The following LDLRAD4 variants were observed in gnomAD, a reference collection of about 807,000 sequenced individuals.
LDLRAD4 encodes low-density lipoprotein receptor class A domain-containing protein 4.
In LDLRAD4, 5 loss-of-function variants were observed where a neutral mutation model predicts 17.0. The observed-to-expected ratio is 0.29, with a 90% CI of 0.15 to 0.62. The LOEUF is 0.62. LDLRAD4 is among the 20% of genes least tolerant of loss of function. The pLI, the probability that LDLRAD4 is intolerant of heterozygous loss-of-function variation, is 0.84. For missense variants in LDLRAD4, 340 were observed against 424.7 expected, an observed-to-expected ratio of 0.80 and a Z score of 1.75; for synonymous variants, 168 against 171.8, an observed-to-expected ratio of 0.98 and a Z score of 0.17.
In LDLRAD4 at chr18:13,643,909, C is replaced by G. The variant is rs116764670; in HGVS notation, c.390+497C>G. 8.2e-3 allele frequency among the ~76,000 whole-genome samples: 1,251 copies of G among 151,852 alleles called. 22 individuals carry two copies. Among genetic ancestry groups the G allele is most frequent in the African/African-American group, 0.029 (1,203 of 41,380 alleles). On this transcript the variant is annotated intron_variant, in intron 5 of 5. Coordinates refer to ENST00000359446, the Ensembl canonical transcript of LDLRAD4. ...ACACATACACATCTATGCATATATGCGTGTGTGTGTGTATGTACGTATATA... is the reference window on the plus strand; with the variant it reads ...ACACATACACATCTATGCATATATGGGTGTGTGTGTGTATGTACGTATATA...
At chr18:13,436,157 C>T (rs975722846) in intron 2 of LDLRAD4, among the ~76,000 whole-genome samples, 5 of 152,200 alleles carry the variant, frequency 3.3e-5, no homozygotes, top group Non-Finnish European at 7.3e-5. Context: ...TTGGAAGGAG[C>T]AGCAAATTAG....
chr18:13,631,394 G>C (rs2148892411), intron 4 of LDLRAD4, among the ~76,000 whole-genome samples: 1 of 152,200 alleles, frequency 6.6e-6, no homozygotes, highest in South Asian at 2.1e-4. Flanking sequence ...GGACCACATG[G>C]CTTCAGTGGT....
chr18:13,645,292 C>T lies in LDLRAD4; in HGVS notation c.556C>T (p.Pro186Ser), dbSNP rs758903290. ...TGAAGAGCCACCTCCTTACCAGGGG[C>T]CCTGCACCCTGCAGCTCCGGGACCC... is the stretch of plus-strand genomic sequence containing the variant. The change falls in exon 6 of 6, where the codon CCC becomes TCC. Residue 186 changes from proline to serine, a missense_variant. Physicochemically the swap from Pro to Ser is moderately conservative, Grantham distance 74. Transcript: ENST00000359446. This position sits in a 1 kb window ranked among gnomAD's most constrained non-coding sequence, Gnocchi z 5.7. The T allele has an allele frequency of 2.5e-6, 4 of 1,614,088 alleles. No individual in the cohort carries two copies. The highest frequency in any genetic ancestry group is 2.7e-5 in the African/African-American group (2 of 74,934).
At chr18:13,570,356 A>C (rs1239504508) in intron 3 of LDLRAD4, among the ~76,000 whole-genome samples, 2 of 152,204 alleles carry the variant, frequency 1.3e-5, no homozygotes, top group South Asian at 4.1e-4. Context: ...TTGCCTAGAC[A>C]ACCAGCAGGC....
chr18:13,438,034 G>T (rs947917668), intron 2 of LDLRAD4, among the ~76,000 whole-genome samples: 13 of 152,218 alleles, frequency 8.5e-5, no homozygotes, highest in African/African-American at 2.9e-4. Flanking sequence ...CCTGTGGAGT[G>T]CAGGAGGGCA....
At chr18:13,382,095 G>A (rs1568076559) in intron 1 of LDLRAD4, among the ~76,000 whole-genome samples, 1 of 152,206 alleles carries the variant, frequency 6.6e-6, no homozygotes, top group Non-Finnish European at 1.5e-5. Context: ...TTCCGCCAGC[G>A]AAACAGTCTG....
At chr18:13,389,627 G>A (rs1341875748) in intron 2 of LDLRAD4, among the ~76,000 whole-genome samples, 1 of 152,230 alleles carries the variant, frequency 6.6e-6, no homozygotes, top group Non-Finnish European at 1.5e-5. Context: ...CCATGGACCT[G>A]ACGGCAGGGT....
At chr18:13,373,319 G>T (rs2084660717) in intron 1 of LDLRAD4, among the ~76,000 whole-genome samples, 1 of 152,076 alleles carries the variant, frequency 6.6e-6, no homozygotes. Flanking sequence ...TTAAGTTTGT[G>T]TATGACATTA....
chr18:13,246,434 G>T (rs1181507945), intron 1 of LDLRAD4, among the ~76,000 whole-genome samples: 1 of 152,264 alleles, frequency 6.6e-6, no homozygotes, highest in Non-Finnish European at 1.5e-5. Context: ...ATCACTCACA[G>T]AAATCTGTGG....
chr18:13,379,197 C>G (rs2085152156), intron 1 of LDLRAD4, among the ~76,000 whole-genome samples: 1 of 152,204 alleles, frequency 6.6e-6, no homozygotes, highest in Admixed American at 6.5e-5. Context: ...GACTTTTGTC[C>G]TCTGGCCCCT....
At position 13,233,033 on chromosome 18, in the gene LDLRAD4, T is replaced by A. The variant is rs1312704789; in HGVS notation, c.-467+14045T>A. Among the ~76,000 whole-genome samples, 3 of 152,208 alleles carry A rather than the reference T, an allele frequency of 2.0e-5. No homozygotes were observed. The East Asian group carries it at 5.8e-4, about 29-fold the overall frequency. On this transcript the variant is annotated intron_variant, in intron 1 of 5. Transcript: ENST00000399848. ...GGCGCTTTCTGATCTCCCCTGGTCA[T>A]GAGTTGTGTGATCAATGAGGACTCT...
intron 1 of LDLRAD4, among the ~76,000 whole-genome samples, chr18:13,329,713 A>G (rs1187898248): frequency 6.6e-6 from 1 of 152,092 alleles, no homozygotes; most frequent in African/African-American, 2.4e-5. Context: ...TACGGATCCA[A>G]TTTTCTCCCC....
chr18:13,370,347 C>T (rs1352798772), intron 1 of LDLRAD4, among the ~76,000 whole-genome samples: 2 of 152,150 alleles, frequency 1.3e-5, no homozygotes, highest in Non-Finnish European at 2.9e-5. Flanking sequence ...GTCCAGGGTC[C>T]GGAGGTGGGG....
At chr18:13,349,589 C>A (rs1278423273) in intron 1 of LDLRAD4, among the ~76,000 whole-genome samples, 1 of 152,044 alleles carries the variant, frequency 6.6e-6, no homozygotes, top group African/African-American at 2.4e-5. Context: ...TTTTGTTGAT[C>A]TGAGAATATC....
chr18:13,490,801 G>C (rs969439366), intron 3 of LDLRAD4: 3 of 152,190 alleles, frequency 2.0e-5, no homozygotes, highest in African/African-American at 7.2e-5. Context: ...TTCTGGAGGA[G>C]GGCCAGGCTT....
chr18:13,602,623 T>C (rs943398778), intron 3 of LDLRAD4, among the ~76,000 whole-genome samples: 1 of 151,818 alleles, frequency 6.6e-6, no homozygotes, highest in Non-Finnish European at 1.5e-5. Context: ...AATTTTTGTA[T>C]TTTTAGTAGA....
rs1022715214 is a variant in LDLRAD4 at position 13,641,580 on chromosome 18, G to A, written c.337-1779G>A. Among the ~76,000 whole-genome samples, 10 of 152,372 alleles carry A rather than the reference G, an allele frequency of 6.6e-5. No individual in the cohort carries two copies. In the East Asian group the frequency reaches 1.9e-3, roughly 29 times the overall value. ...GACACTCAGTGCTGCAGAACAGGAGGGAGGCCGGGGCCTGTGGCGGGCGAG... is the reference window on the plus strand; with the variant it reads ...GACACTCAGTGCTGCAGAACAGGAGAGAGGCCGGGGCCTGTGGCGGGCGAG... On this transcript the variant is annotated intron_variant, in intron 4 of 5. Coordinates refer to ENST00000359446, the Ensembl canonical transcript of LDLRAD4.
chr18:13,606,844 G>A (rs2095229384), intron 3 of LDLRAD4, among the ~76,000 whole-genome samples: 1 of 152,176 alleles, frequency 6.6e-6, no homozygotes, highest in Admixed American at 6.5e-5. Context: ...CAAAGAATGG[G>A]AATTTGTAAT....
intron 3 of LDLRAD4, among the ~76,000 whole-genome samples, chr18:13,451,140 C>G (rs1414230154): frequency 2.0e-5 from 3 of 152,154 alleles, no homozygotes; most frequent in Non-Finnish European, 4.4e-5. Context: ...CAAAAATAGT[C>G]TTTGGCAGAA....
Sources: gnomAD v4.1 joint callset for allele counts (sites outside exome capture counted in the v4.1 genomes callset) on GRCh38, gnomAD v4.1.1 for gene constraint, Gnocchi (gnomAD v3.1) non-coding constraint, MANE v1.5 for transcripts, NCBI Gene and HGNC (gene_info 2026-07-23, HGNC 2026-07-21) for gene names.